PPIG: variants seen among roughly 807,000 people sequenced by gnomAD.
PPIG encodes the protein peptidylprolyl isomerase G.
Under a neutral mutation model 87.9 loss-of-function variants are expected in PPIG, and 26 were observed. The observed-to-expected ratio is 0.30, with a 90% CI of 0.22 to 0.41. The LOEUF (loss-of-function observed/expected upper bound fraction) is 0.41, where lower values mean the gene tolerates loss of function less well. PPIG is among the 10% of genes least tolerant of loss of function. The pLI is 1.00. For synonymous variants in PPIG, 308 were observed against 276.5 expected (o/e 1.11, Z -1.13); for missense variants, 722 against 879.4 (o/e 0.82, Z 2.26).
At chr2:169,633,517 T>G (rs1164188870) in intron 12 of PPIG, 1 of 523,906 alleles carries the variant, frequency 1.9e-6, no homozygotes, top group Non-Finnish European at 3.3e-6. Context: ...TGGCAATCAC[T>G]GTATCTCTAT....
chr2:169,599,319 C>T (rs771117275), intron 1 of PPIG, among the ~76,000 whole-genome samples: 8 of 151,990 alleles, frequency 5.3e-5, no homozygotes, highest in Non-Finnish European at 1.0e-4. Context: ...GTAATTCTTA[C>T]TACTGTACAA....
At chr2:169,603,771 T>C (rs1685249242) in intron 2 of PPIG, 77 bp downstream of exon 2, 1 of 438,960 alleles carries the variant, frequency 2.3e-6, no homozygotes, top group African/African-American at 2.0e-5. Context: ...TGTATTCCGG[T>C]TGATAAATAG....
intron 5 of PPIG, among the ~76,000 whole-genome samples, 197 bp downstream of exon 5, chr2:169,606,343 C>T (rs1685322841): frequency 6.6e-6 from 1 of 151,950 alleles, no homozygotes; most frequent in South Asian, 2.1e-4. Flanking sequence ...CCTGTAATCC[C>T]AGCACTTTGG....
rs1686028140 is a variant in PPIG at position 169,630,837 on chromosome 2, CAG to C, written c.613_614del (p.Asp205Ter). Reference sequence around the variant, plus strand: ...TCTTCCTCCTCCTCATCTAGTGACTCAGATAGCTCAAGTGATTCTCAGTCCTC... The same window carrying C: ...TCTTCCTCCTCCTCATCTAGTGACTCATAGCTCAAGTGATTCTCAGTCCTC... On this transcript the variant is annotated frameshift_variant, in exon 10 of 14. Transcript: ENST00000260970. LOFTEE classifies it high-confidence loss of function. 6.2e-7 allele frequency: 1 copy of C among 1,612,746 alleles called. No individual in the cohort carries two copies. The highest frequency in any genetic ancestry group is 1.3e-5 in the African/African-American group (1 of 74,840).
rs1686220105 is a variant in PPIG, at chr2:169,637,666, T to C, written c.*143T>C. 1.2e-6 allele frequency: 1 copy of C among 854,316 alleles called. No homozygotes were observed. 52.9% of individuals were successfully genotyped at this position (854,316 alleles called of 1,614,324 possible). A position where few individuals can be genotyped will look rare whatever the true frequency, so the allele number is the denominator to read the frequency against. ...CTTTTTTTTCTTAATGTGGATTTCA[T>C]TGAGTTGATTTTTTGATAATCTGCA... On this transcript the variant is annotated 3_prime_UTR_variant, in exon 14 of 14. Transcript: ENST00000260970.
chr2:169,611,451 A>C (rs1685485575), intron 7 of PPIG, among the ~76,000 whole-genome samples: 1 of 151,978 alleles, frequency 6.6e-6, no homozygotes, highest in African/African-American at 2.4e-5. Context: ...TATTAATCTT[A>C]TTTTGGGACA....
chr2:169,611,794 G>A (rs1256220358), intron 7 of PPIG, among the ~76,000 whole-genome samples: 1 of 151,810 alleles, frequency 6.6e-6, no homozygotes, highest in Non-Finnish European at 1.5e-5. Context: ...CTAAATGTTT[G>A]TTACTCCTTA....
chr2:169,597,855 C>CTTGTTTGTTTGT (rs56851989), intron 1 of PPIG, among the ~76,000 whole-genome samples: 11 of 150,714 alleles, frequency 7.3e-5, no homozygotes, highest in African/African-American at 2.7e-4. Context: ...CTGTACCTTG[C>CTTGTTTGTTTGT]TTGTTTGTTT....
intron 1 of PPIG, among the ~76,000 whole-genome samples, chr2:169,588,970 A>C (rs1348705122): frequency 6.6e-6 from 1 of 151,736 alleles, no homozygotes; most frequent in African/African-American, 2.4e-5. Flanking sequence ...AAAAAAAAAA[A>C]AAAAAAAAAA....
intron 4 of PPIG, among the ~76,000 whole-genome samples, chr2:169,605,413 G>C (rs2105488619): frequency 6.6e-6 from 1 of 152,332 alleles, no homozygotes; most frequent in South Asian, 2.1e-4. Context: ...TGAGGCGGGA[G>C]ATTCGCTTGA....
At chr2:169,622,971 C>A (rs1434353883) in intron 9 of PPIG, among the ~76,000 whole-genome samples, 6 of 152,086 alleles carry the variant, frequency 3.9e-5, no homozygotes, top group Non-Finnish European at 7.4e-5. Flanking sequence ...AAAAAGACTT[C>A]TGAAGAAATC....
intron 9 of PPIG, among the ~76,000 whole-genome samples, chr2:169,621,138 A>G (rs1685736602): frequency 6.6e-6 from 1 of 152,142 alleles, no homozygotes; most frequent in Non-Finnish European, 1.5e-5. Context: ...AAATGTCCTT[A>G]AAATTTCTTA....
intron 4 of PPIG, among the ~76,000 whole-genome samples, chr2:169,604,566 G>A (rs1002677501): frequency 6.6e-6 from 1 of 152,032 alleles, no homozygotes; most frequent in African/African-American, 2.4e-5. Flanking sequence ...GGGCGTGAAA[G>A]TAATTCTTAG....
At chr2:169,623,663 C>G (rs1307963295) in intron 9 of PPIG, among the ~76,000 whole-genome samples, 2 of 152,106 alleles carry the variant, frequency 1.3e-5, no homozygotes, top group Admixed American at 1.3e-4. Context: ...GTGACAGGGT[C>G]CCATTTCAGT....
At chr2:169,587,401 C>T (rs1684733165) in intron 1 of PPIG, among the ~76,000 whole-genome samples, 1 of 151,942 alleles carries the variant, frequency 6.6e-6, no homozygotes, top group African/African-American at 2.4e-5. Context: ...GCCACCACAC[C>T]CAGCTGATTT....
intron 9 of PPIG, 150 bp downstream of exon 9, chr2:169,614,874 T>C (rs1685573202): frequency 1.0e-6 from 1 of 971,382 alleles, no homozygotes; most frequent in South Asian, 2.1e-5. Context: ...TTTTTTACTT[T>C]TTTAAGTTGA....
At chr2:169,629,742 C>A (rs959785088) in intron 9 of PPIG, among the ~76,000 whole-genome samples, 1 of 152,140 alleles carries the variant, frequency 6.6e-6, no homozygotes, top group South Asian at 2.1e-4. Flanking sequence ...CAGTGCCTCA[C>A]AAGAAGTTGT....
intron 9 of PPIG, among the ~76,000 whole-genome samples, chr2:169,621,275 G>T (rs1685740604): frequency 6.6e-6 from 1 of 151,578 alleles, no homozygotes; most frequent in Non-Finnish European, 1.5e-5. Flanking sequence ...CATGGAGAAG[G>T]CAAAATGATT....
At chr2:169,612,236 A>G (rs1031040147) in intron 7 of PPIG, among the ~76,000 whole-genome samples, 3 of 152,000 alleles carry the variant, frequency 2.0e-5, no homozygotes, top group Non-Finnish European at 4.4e-5. Flanking sequence ...CTTTCCCCCA[A>G]TCCCTGGTAA....
Sources: gnomAD v4.1 joint callset for allele counts (sites outside exome capture counted in the v4.1 genomes callset) on GRCh38, gnomAD v4.1.1 for gene constraint, MANE v1.5 for transcripts, NCBI Gene and HGNC (gene_info 2026-07-23, HGNC 2026-07-21) for gene names.